EPHA6: variants seen among roughly 807,000 people sequenced by gnomAD.
EPHA6 encodes ephrin type-A receptor 6.
Under a neutral mutation model 112.0 loss-of-function variants are expected in EPHA6, and 50 were observed. The observed-to-expected ratio is 0.45, with a 90% CI of 0.36 to 0.56. The LOEUF (loss-of-function observed/expected upper bound fraction) is 0.56. Ranked by LOEUF, EPHA6 falls within the 20% of genes least tolerant of loss-of-function variation. The pLI is 0.00. For synonymous variants in EPHA6, 529 were observed against 490.7 expected, an observed-to-expected ratio of 1.08 and a Z score of -1.03; for missense variants, 1,280 against 1,417.4, an observed-to-expected ratio of 0.90 and a Z score of 1.56.
intron 3 of EPHA6, among the ~76,000 whole-genome samples, chr3:97,041,697 A>G (rs530875819): frequency 6.6e-6 from 1 of 152,070 alleles, no homozygotes; most frequent in Non-Finnish European, 1.5e-5. Context: ...CTCAGGAAGC[A>G]TAGCTGGGAG....
intron 15 of EPHA6, among the ~76,000 whole-genome samples, chr3:97,730,110 C>G (rs190485461): frequency 6.6e-6 from 1 of 152,160 alleles, no homozygotes; most frequent in Admixed American, 6.5e-5. Flanking sequence ...TCTAAGCAGT[C>G]CTTGCTCAAT....
chr3:97,228,225 G>A (rs929838879), intron 4 of EPHA6, among the ~76,000 whole-genome samples: 1 of 152,064 alleles, frequency 6.6e-6, no homozygotes, highest in Non-Finnish European at 1.5e-5. Flanking sequence ...CATGGGGGAA[G>A]TTCTTTTGTG....
At chr3:97,492,052 A>C (rs1281575467) in intron 10 of EPHA6, among the ~76,000 whole-genome samples, 1 of 152,146 alleles carries the variant, frequency 6.6e-6, no homozygotes, top group African/African-American at 2.4e-5. Context: ...ATTTTTTTAC[A>C]ATCTACCACA....
chr3:97,522,637 A>G (rs2092561665), intron 10 of EPHA6, among the ~76,000 whole-genome samples: 1 of 152,150 alleles, frequency 6.6e-6, no homozygotes, highest in Non-Finnish European at 1.5e-5. Flanking sequence ...TCTTATTTAC[A>G]TGTTAGATAA....
chr3:97,532,514 T>C lies in EPHA6; in HGVS notation c.2357T>C (p.Ile786Thr). 6.2e-7 allele frequency: 1 copy of C among 1,610,862 alleles called. No homozygotes were observed. Among genetic ancestry groups the C allele is most frequent in the Non-Finnish European group, 8.5e-7 (1 of 1,178,274 alleles). ...SIMGQFDHPN[I>T]IRLEGVVTKR... ...ATGGGCCAGTTTGACCATCCAAACA[T>C]CATTCGCCTAGAAGGGGTTGTCACC... is the stretch of plus-strand genomic sequence containing the variant. Residue 786 changes from isoleucine (I) to threonine (T), a missense_variant, in exon 11 of 18, where the codon ATC (isoleucine) becomes ACC (threonine). Physicochemically the swap from Ile to Thr is moderately conservative, Grantham distance 89 (BLOSUM62 -1). Transcript: ENST00000389672.
At chr3:97,540,963 A>C (rs763140911) in intron 11 of EPHA6, among the ~76,000 whole-genome samples, 6 of 152,190 alleles carry the variant, frequency 3.9e-5, no homozygotes, top group Admixed American at 3.9e-4. Context: ...CCAGGAATTC[A>C]GGAGAGTAAG....
At chr3:97,583,266 G>A (rs983082185) in intron 11 of EPHA6, among the ~76,000 whole-genome samples, 3 of 151,944 alleles carry the variant, frequency 2.0e-5, no homozygotes, top group East Asian at 1.9e-4. Context: ...TTGGCAGGGC[G>A]CGGTGGCTCA....
rs571002067 is a variant in EPHA6 at position 97,214,364 on chromosome 3, C to A, written c.1115-11900C>A. ...TTCATGTATTCTTTACAGTAGCCAT[C>A]CTCTGAAGAAAGTTGGATTGAATAT... is the stretch of plus-strand genomic sequence containing the variant. On this transcript the variant is annotated intron_variant, in intron 3 of 17. Transcript: ENST00000389672. 2.6e-5 allele frequency among the ~76,000 whole-genome samples: 4 copies of A among 151,858 alleles called. No homozygotes were observed. The South Asian group carries it at 6.2e-4, about 24-fold the overall frequency.
At chr3:97,299,647 T>C (rs1269749601) in intron 5 of EPHA6, among the ~76,000 whole-genome samples, 1 of 152,156 alleles carries the variant, frequency 6.6e-6, no homozygotes, top group African/African-American at 2.4e-5. Context: ...ATGACGTCCA[T>C]GATGTAGAAT....
chr3:96,948,905 A>G lies in EPHA6; in HGVS notation c.451-38425A>G, dbSNP rs115919894. On this transcript the variant is annotated intron_variant, in intron 2 of 17. Transcript: ENST00000389672. ...TGAGATTGGCTTTACTCACACTGCAATGTGTCTTTTGACTGTGTGCATCCT... is the reference window on the plus strand; with the variant it reads ...TGAGATTGGCTTTACTCACACTGCAGTGTGTCTTTTGACTGTGTGCATCCT... 7.9e-3 allele frequency among the ~76,000 whole-genome samples: 1,204 copies of G among 152,258 alleles called. 7 individuals carry two copies. The highest frequency in any genetic ancestry group is 0.014 in the Non-Finnish European group (950 of 68,002).
At chr3:97,180,006 G>T (rs1027583825) in intron 3 of EPHA6, among the ~76,000 whole-genome samples, 19 of 152,024 alleles carry the variant, frequency 1.2e-4, no homozygotes, top group African/African-American at 4.1e-4. Context: ...ATTCTGGGTT[G>T]GTCCAGATGT....
At chr3:97,731,291 G>A (rs964302943) in intron 15 of EPHA6, among the ~76,000 whole-genome samples, 16 of 151,992 alleles carry the variant, frequency 1.1e-4, no homozygotes, top group African/African-American at 3.4e-4. Context: ...AAATCCCAAA[G>A]GAGGAGCGGG....
At chr3:96,870,403 C>G (rs945152219) in intron 2 of EPHA6, among the ~76,000 whole-genome samples, 2 of 152,052 alleles carry the variant, frequency 1.3e-5, no homozygotes, top group Admixed American at 1.3e-4. Context: ...TTTGTCCTTT[C>G]TACATCTTTC....
At chr3:97,544,520 C>T (rs906221367) in intron 11 of EPHA6, among the ~76,000 whole-genome samples, 9 of 152,270 alleles carry the variant, frequency 5.9e-5, no homozygotes, top group Middle Eastern at 3.4e-3. Flanking sequence ...ATTTTTGCAT[C>T]GATGTTCATC....
At position 97,306,293 on chromosome 3, in the gene EPHA6, C is replaced by CTT. The variant is rs5851061; in HGVS notation, c.1606+62025_1606+62026dup. ...ATGTAATCAACTATGTCAGGGCCCT[C>CTT]TTTTTTTTTTTTTTTTTTTTAAAGT... On this transcript the variant is annotated intron_variant, in intron 5 of 17. Coordinates refer to ENST00000389672, the MANE Select transcript of EPHA6 (RefSeq NM_001080448.3). Among the ~76,000 whole-genome samples the CTT allele has an allele frequency of 8.2e-3, 1,024 of 124,802 alleles. 17 individuals carry two copies. The highest frequency in any genetic ancestry group is 0.026 in the African/African-American group (926 of 35,436). 81.9% of individuals were successfully genotyped at this position (124,802 alleles called of 152,430 possible).
intron 11 of EPHA6, among the ~76,000 whole-genome samples, chr3:97,573,815 G>C (rs187503689): frequency 2.6e-5 from 4 of 152,204 alleles, no homozygotes; most frequent in Admixed American, 2.0e-4. Flanking sequence ...GCAAAATTAA[G>C]ACCAAATGAA....
chr3:96,937,644 G>C (rs1015925435), intron 2 of EPHA6, among the ~76,000 whole-genome samples: 29 of 152,102 alleles, frequency 1.9e-4, no homozygotes, highest in Non-Finnish European at 5.9e-5. Flanking sequence ...GACTTTTGTT[G>C]TCATTGCTTG....
intron 3 of EPHA6, among the ~76,000 whole-genome samples, chr3:97,144,932 T>C (rs2108360904): frequency 6.6e-6 from 1 of 151,670 alleles, no homozygotes; most frequent in East Asian, 1.9e-4. Flanking sequence ...TTCTTGAATT[T>C]CTTCTGCCTT....
intron 15 of EPHA6, among the ~76,000 whole-genome samples, chr3:97,724,672 C>T (rs1192487845): frequency 7.2e-6 from 1 of 137,950 alleles, no homozygotes; most frequent in Non-Finnish European, 1.7e-5. Context: ...AAGGCTTGAG[C>T]CCAAGAGTTC....
Sources: allele counts gnomAD v4.1 joint callset (sites outside exome capture counted in the v4.1 genomes callset), GRCh38; gene constraint gnomAD v4.1.1; transcripts MANE v1.5; gene names NCBI Gene and HGNC (gene_info 2026-07-23, HGNC 2026-07-21).